PXK: variants seen among roughly 807,000 people sequenced by gnomAD.
The protein encoded by PXK is PX domain-containing protein kinase-like protein.
A neutral mutation model predicts 84.7 loss-of-function variants in PXK; 35 were observed. That is an observed-to-expected ratio of 0.41 (90% confidence interval 0.32 to 0.55). PXK has a LOEUF of 0.55. Among genes scored for constraint, PXK ranks in the 20% least tolerant of loss-of-function variants. The pLI is 0.21. For missense variants in PXK, 634 were observed against 699.7 expected, an observed-to-expected ratio of 0.91 and a Z score of 1.06; for synonymous variants, 253 against 260.8, an observed-to-expected ratio of 0.97 and a Z score of 0.29.
rs538373869 is a variant in PXK at position 58,411,077 on chromosome 3, G to C, written c.1465+918G>C. 6.6e-6 allele frequency among the ~76,000 whole-genome samples: 1 copy of C among 152,336 alleles called. No individual in the cohort carries two copies. The highest frequency in any genetic ancestry group is 2.1e-4 in the South Asian group (1 of 4,820). On this transcript the variant is annotated intron_variant, in intron 16 of 17. Coordinates refer to ENST00000356151, the MANE Select transcript of PXK (RefSeq NM_017771.5). The surrounding 1 kb of genome is among the most constrained non-coding windows in gnomAD (Gnocchi z 4.2). Reference sequence around the variant, plus strand: ...CTAGCGGTAGGATTTGGTGTGGGCAGGTGAAGAGGCAGAGATGTTTAGAAG... The same window carrying C: ...CTAGCGGTAGGATTTGGTGTGGGCACGTGAAGAGGCAGAGATGTTTAGAAG...
At chr3:58,355,369 C>T (rs1447382208) in intron 1 of PXK, among the ~76,000 whole-genome samples, 7 of 152,266 alleles carry the variant, frequency 4.6e-5, no homozygotes, top group South Asian at 4.1e-4. Context: ...TCAAGTTTCA[C>T]GGCACATCTG....
At chr3:58,366,148 G>A (rs9850717) in intron 2 of PXK, among the ~76,000 whole-genome samples, 11,075 of 152,100 alleles carry the variant, frequency 0.073, 521 homozygotes, top group South Asian at 0.1. Context: ...ACTATGGAGG[G>A]TATCTAGGAA....
chr3:58,340,064 C>T (rs932563532), intron 1 of PXK, among the ~76,000 whole-genome samples: 10 of 151,516 alleles, frequency 6.6e-5, no homozygotes, highest in Non-Finnish European at 1.5e-4. Context: ...GTGATCCACC[C>T]GCCTTGGCCT....
Position 58,333,921 on chromosome 3 carries a change from C to G in PXK, c.102+831C>G, listed in dbSNP as rs2097543037. 2.0e-5 allele frequency among the ~76,000 whole-genome samples: 3 copies of G among 150,984 alleles called. No homozygotes were observed. In the South Asian group the frequency reaches 6.2e-4, roughly 31 times the overall value. Reference sequence around the variant, plus strand: ...CCCACTATGCATTATAATTTCCAAGCAATAAATCTAGGAACCAGCAAGAAA... The same window carrying G: ...CCCACTATGCATTATAATTTCCAAGGAATAAATCTAGGAACCAGCAAGAAA... On this transcript the variant is annotated intron_variant, in intron 1 of 17. Coordinates refer to ENST00000356151, the MANE Select transcript of PXK (RefSeq NM_017771.5). The surrounding 1 kb of genome is among the most constrained non-coding windows in gnomAD (Gnocchi z 5.4).
chr3:58,417,049 C>T (rs2061079333), intron 17 of PXK, among the ~76,000 whole-genome samples: 2 of 152,190 alleles, frequency 1.3e-5, no homozygotes, highest in Middle Eastern at 3.2e-3. Context: ...GGACTATAGG[C>T]GTGCACCACC....
Position 58,387,252 on chromosome 3 carries a change from C to G in PXK, c.389-3330C>G, listed in dbSNP as rs370335177. Among the ~76,000 whole-genome samples the G allele has an allele frequency of 4.3e-4, 66 of 152,334 alleles. No homozygotes were observed. In the South Asian group the frequency reaches 0.013, roughly 31 times the overall value. On this transcript the variant is annotated intron_variant, in intron 4 of 17. Coordinates refer to ENST00000356151, the MANE Select transcript of PXK (RefSeq NM_017771.5). ...ATGCAGTTTTTCCACATGTGTCAGTCAGTTCCTGTGTCAGAACTAGAGGGC... is the reference window on the plus strand; with the variant it reads ...ATGCAGTTTTTCCACATGTGTCAGTGAGTTCCTGTGTCAGAACTAGAGGGC...
At chr3:58,418,690 C>T (rs2061366282) in intron 17 of PXK, among the ~76,000 whole-genome samples, 1 of 152,204 alleles carries the variant, frequency 6.6e-6, no homozygotes, top group Admixed American at 6.5e-5. Flanking sequence ...AAAGCACTAT[C>T]AGGTATAAAC....
At chr3:58,388,414 T>C (rs544068483) in intron 4 of PXK, among the ~76,000 whole-genome samples, 1 of 152,374 alleles carries the variant, frequency 6.6e-6, no homozygotes, top group East Asian at 1.9e-4. Flanking sequence ...TAGAGAATTA[T>C]TTTTCATGCT....
chr3:58,416,048 A>G lies in PXK; in HGVS notation c.1528+3085A>G, dbSNP rs1279334798. 1.3e-5 allele frequency among the ~76,000 whole-genome samples: 2 copies of G among 152,170 alleles called. No individual in the cohort carries two copies. Among genetic ancestry groups the G allele is most frequent in the Non-Finnish European group, 2.9e-5 (2 of 68,018 alleles). On this transcript the variant is annotated intron_variant, in intron 17 of 17. Transcript: ENST00000356151. The surrounding 1 kb of genome is among the most constrained non-coding windows in gnomAD (Gnocchi z 4.8). ...AGTGACTTTCTCCAAGCCTCTCAAG[A>G]AGAAACTTAGAACAAAGGACGGTGG...
chr3:58,332,894 T>G lies in PXK; in HGVS notation c.-95T>G. The G allele has an allele frequency of 1.3e-6, 1 of 748,898 alleles. No individual in the cohort carries two copies. Among genetic ancestry groups the G allele is most frequent in the East Asian group, 5.1e-5 (1 of 19,544 alleles). 46.4% of individuals were successfully genotyped at this position (748,898 alleles called of 1,614,324 possible). On this transcript the variant is annotated 5_prime_UTR_variant, in exon 1 of 18. Transcript: ENST00000356151. The surrounding 1 kb of genome is among the most constrained non-coding windows in gnomAD (Gnocchi z 5.6). ...CGGCGGCGCGTGGGGCGGCGCGTGT[T>G]GACAGCGGCGGCGGTGGAACCGGGC...
At chr3:58,384,183 A>G (rs2098531216) in intron 4 of PXK, among the ~76,000 whole-genome samples, 1 of 152,214 alleles carries the variant, frequency 6.6e-6, no homozygotes, top group Admixed American at 6.5e-5. Flanking sequence ...TGGTTCTCTG[A>G]CCAGCAGCAT....
In PXK at chr3:58,423,550, G is replaced by C. The variant is rs986758902; in HGVS notation, c.1529-1202G>C. ...CCATACCTGTCACACTTGGTGAAAA[G>C]GATGTACTTACCTGAGTATTGTGTT... On this transcript the variant is annotated intron_variant, in intron 17 of 17. Transcript: ENST00000356151. 71 of 1,531,802 alleles carry C rather than the reference G, an allele frequency of 4.6e-5. No individual in the cohort carries two copies. In the African/African-American group the frequency reaches 9.4e-4, roughly 20 times the overall value. The allele number at this position is 1,531,802 out of a possible 1,614,324, so 94.9% of individuals were successfully genotyped here. A position where few individuals can be genotyped will look rare whatever the true frequency, so the allele number is the denominator to read the frequency against.
At chr3:58,342,506 A>G (rs534718199) in intron 1 of PXK, among the ~76,000 whole-genome samples, 57 of 152,054 alleles carry the variant, frequency 3.7e-4, no homozygotes, top group African/African-American at 1.3e-3. Flanking sequence ...AAGGTAGTGC[A>G]TGCCTGTAGT....
chr3:58,359,751 A>G (rs998123709), intron 1 of PXK, among the ~76,000 whole-genome samples: 32 of 151,188 alleles, frequency 2.1e-4, no homozygotes, highest in African/African-American at 7.5e-4. Context: ...TGACAAGAAC[A>G]TTTAAATGCT....
chr3:58,362,828 C>T (rs1052746514), intron 1 of PXK, among the ~76,000 whole-genome samples: 1 of 152,224 alleles, frequency 6.6e-6, no homozygotes, highest in Non-Finnish European at 1.5e-5. Flanking sequence ...ATTCTCCTTC[C>T]TCAGCTTCCT....
At chr3:58,353,255 C>G (rs941915709) in intron 1 of PXK, among the ~76,000 whole-genome samples, 8 of 152,136 alleles carry the variant, frequency 5.3e-5, no homozygotes, top group African/African-American at 9.7e-5. Context: ...CCTCGGCCTC[C>G]CAAAGTGCTG....
At chr3:58,356,498 G>A (rs2098083092) in intron 1 of PXK, among the ~76,000 whole-genome samples, 1 of 146,194 alleles carries the variant, frequency 6.8e-6, no homozygotes. Flanking sequence ...AGCTCAGGAG[G>A]TAGAGGCCTG....
At chr3:58,417,554 G>A (rs1248465309) in intron 17 of PXK, among the ~76,000 whole-genome samples, 1 of 152,146 alleles carries the variant, frequency 6.6e-6, no homozygotes, top group East Asian at 1.9e-4. Flanking sequence ...TAAGTCTGCT[G>A]GCAGTTCCAT....
intron 17 of PXK, 186 bp downstream of exon 17, chr3:58,413,149 C>A: frequency 3.0e-6 from 2 of 664,678 alleles, no homozygotes; most frequent in East Asian, 2.7e-5. Flanking sequence ...TTTCCAAGCT[C>A]GGCTTTCACA....
Sources: allele counts gnomAD v4.1 joint callset (sites outside exome capture counted in the v4.1 genomes callset), GRCh38; gene constraint gnomAD v4.1.1; non-coding constraint Gnocchi (gnomAD v3.1); transcripts MANE v1.5; gene names NCBI Gene and HGNC (gene_info 2026-07-23, HGNC 2026-07-21).